Variants in CCDC178 observed in about 807,000 individuals in gnomAD.
The protein encoded by CCDC178 is coiled-coil domain containing 178.
Under a neutral mutation model 117.4 loss-of-function variants are expected in CCDC178, and 126 were observed. The observed-to-expected ratio is 1.07, with a 90% CI of 0.93 to 1.24. CCDC178 has a LOEUF of 1.24. CCDC178 is among the 50% of genes most tolerant of loss of function. CCDC178 has a pLI of 0.00. For missense variants in CCDC178, 1,030 were observed against 986.9 expected, an observed-to-expected ratio of 1.04 and a Z score of -0.59; for synonymous variants, 283 against 313.4, an observed-to-expected ratio of 0.90 and a Z score of 1.02.
intron 9 of CCDC178, among the ~76,000 whole-genome samples, chr18:33,341,308 C>T (rs938899102): frequency 6.6e-6 from 1 of 152,194 alleles, no homozygotes; most frequent in African/African-American, 2.4e-5. Context: ...TAGGAAGTAA[C>T]TAGCTTGCTT....
chr18:33,341,598 T>G (rs1397322742), intron 9 of CCDC178, among the ~76,000 whole-genome samples: 2 of 152,186 alleles, frequency 1.3e-5, no homozygotes, highest in African/African-American at 4.8e-5. Flanking sequence ...CATGGTCCAG[T>G]CTTTCTCATG....
At chr18:33,098,766 T>C (rs943678122) in intron 20 of CCDC178, among the ~76,000 whole-genome samples, 1 of 152,062 alleles carries the variant, frequency 6.6e-6, no homozygotes, top group Middle Eastern at 3.2e-3. Context: ...TAATCATTTG[T>C]TTAGCAAACC....
intron 15 of CCDC178, among the ~76,000 whole-genome samples, chr18:33,232,191 T>G (rs1164874718): frequency 1.3e-5 from 2 of 152,142 alleles, no homozygotes; most frequent in African/African-American, 2.4e-5. Context: ...ACCTGCAGCC[T>G]GGTTTTAGCA....
intron 4 of CCDC178, among the ~76,000 whole-genome samples, chr18:33,392,914 A>G (rs903642678): frequency 1.3e-5 from 2 of 152,222 alleles, no homozygotes; most frequent in Non-Finnish European, 2.9e-5. Context: ...ACAAAATTTC[A>G]TACACTATAG....
chr18:32,943,420 AT>A (rs984708405), intron 22 of CCDC178, among the ~76,000 whole-genome samples: 5 of 151,814 alleles, frequency 3.3e-5, no homozygotes, highest in Admixed American at 1.3e-4. Flanking sequence ...AATAGGTCCT[AT>A]TTTTTTTCTT....
chr18:33,425,914 T>C (rs918806173), intron 2 of CCDC178, among the ~76,000 whole-genome samples: 1 of 152,186 alleles, frequency 6.6e-6, no homozygotes, highest in Admixed American at 6.5e-5. Flanking sequence ...ATGTTCCTGA[T>C]ATATTTTTTC....
At chr18:33,002,472 A>T (rs980586487) in intron 21 of CCDC178, among the ~76,000 whole-genome samples, 2 of 152,034 alleles carry the variant, frequency 1.3e-5, no homozygotes, top group African/African-American at 4.8e-5. Context: ...AAAATTTAAA[A>T]TTTTTTTAAA....
chr18:33,211,409 A>C (rs2059106745), intron 20 of CCDC178, among the ~76,000 whole-genome samples: 1 of 151,876 alleles, frequency 6.6e-6, no homozygotes, highest in African/African-American at 2.4e-5. Context: ...GCCTAAAAGA[A>C]CTTTTAATAC....
At chr18:33,306,344 T>C (rs2062247377) in intron 11 of CCDC178, among the ~76,000 whole-genome samples, 1 of 151,400 alleles carries the variant, frequency 6.6e-6, no homozygotes, top group Non-Finnish European at 1.5e-5. Flanking sequence ...CCCAGCTATC[T>C]TTTATAAAAT....
intron 21 of CCDC178, among the ~76,000 whole-genome samples, chr18:33,065,301 T>C (rs558290743): frequency 1.3e-5 from 2 of 152,308 alleles, no homozygotes; most frequent in Admixed American, 6.5e-5. Context: ...ACATTAAATA[T>C]CCTGATTTTA....
chr18:33,110,595 C>T (rs1473875629), intron 20 of CCDC178, among the ~76,000 whole-genome samples: 1 of 151,410 alleles, frequency 6.6e-6, no homozygotes, highest in Non-Finnish European at 1.5e-5. Context: ...GTCAAGGTAT[C>T]TTTTTTAAAA....
At chr18:33,172,345 A>C (rs948239748) in intron 20 of CCDC178, among the ~76,000 whole-genome samples, 10 of 152,188 alleles carry the variant, frequency 6.6e-5, no homozygotes, top group Non-Finnish European at 1.5e-4. Context: ...TGTATAATTC[A>C]GATAGCCTTA....
chr18:33,422,341 T>C (rs1190830694), intron 2 of CCDC178, among the ~76,000 whole-genome samples: 1 of 152,174 alleles, frequency 6.6e-6, no homozygotes, highest in Non-Finnish European at 1.5e-5. Context: ...CCATTTTCCT[T>C]TCCTCTCTGG....
At chr18:33,322,075 T>A (rs2062518644) in intron 11 of CCDC178, among the ~76,000 whole-genome samples, 1 of 151,920 alleles carries the variant, frequency 6.6e-6, no homozygotes, top group Non-Finnish European at 1.5e-5. Flanking sequence ...CAGGAGGATA[T>A]TAACAACTTC....
intron 9 of CCDC178, among the ~76,000 whole-genome samples, chr18:33,345,781 G>A (rs2062883620): frequency 6.6e-6 from 1 of 152,152 alleles, no homozygotes; most frequent in African/African-American, 2.4e-5. Context: ...TGTGAACCCA[G>A]CATTATCTTC....
At chr18:33,086,117 G>A (rs1247871096) in intron 21 of CCDC178, among the ~76,000 whole-genome samples, 1 of 151,712 alleles carries the variant, frequency 6.6e-6, no homozygotes, top group Non-Finnish European at 1.5e-5. Flanking sequence ...TTGTTTTATT[G>A]TAATTTTTTA....
Position 33,031,188 on chromosome 18 carries a change from C to T in CCDC178, c.2389-56507G>A, listed in dbSNP as rs142076430. Reference sequence around the variant, plus strand: ...TTCCTTTTACTTAAGTGAATATTTTCGAGTGTGCAATTTTAACTCCTTTAA... The same window carrying T: ...TTCCTTTTACTTAAGTGAATATTTTTGAGTGTGCAATTTTAACTCCTTTAA... On this transcript the variant is annotated intron_variant, in intron 21 of 22. Coordinates refer to ENST00000383096, the MANE Select transcript of CCDC178 (RefSeq NM_001105528.4). Among the ~76,000 whole-genome samples the T allele has an allele frequency of 1.1e-4, 17 of 150,444 alleles. No individual in the cohort carries two copies. The East Asian group carries it at 3.1e-3, about 28-fold the overall frequency.
chr18:33,390,873 A>C (rs1446997024), intron 4 of CCDC178, among the ~76,000 whole-genome samples: 1 of 151,740 alleles, frequency 6.6e-6, no homozygotes, highest in Non-Finnish European at 1.5e-5. Context: ...ATACATACAC[A>C]CATACATACA....
chr18:32,997,376 T>C lies in CCDC178; in HGVS notation c.2389-22695A>G, dbSNP rs114184766. Among the ~76,000 whole-genome samples, 1,328 of 152,262 alleles carry C rather than the reference T, an allele frequency of 8.7e-3. 17 individuals are homozygous for C. Among genetic ancestry groups the C allele is most frequent in the African/African-American group, 0.03 (1,263 of 41,546 alleles). ...ATGTGGTTGGGCCTCATCCAATCAA[T>C]TGAATGCCTTAAGATGAAAAGACTG... On this transcript the variant is annotated intron_variant, in intron 21 of 22. Coordinates refer to ENST00000383096, the MANE Select transcript of CCDC178 (RefSeq NM_001105528.4).
Sources: gnomAD v4.1 joint callset for allele counts (sites outside exome capture counted in the v4.1 genomes callset) on GRCh38, gnomAD v4.1.1 for gene constraint, MANE v1.5 for transcripts, NCBI Gene and HGNC (gene_info 2026-07-23, HGNC 2026-07-21) for gene names.